Variants in CCSER1 observed in about 807,000 individuals in gnomAD.
CCSER1 encodes the protein coiled-coil serine rich protein 1.
CCSER1 carries 41 observed loss-of-function variants against 82.0 expected under a neutral mutation model. The observed-to-expected ratio is 0.50, with a 90% CI of 0.39 to 0.65. CCSER1 has a LOEUF of 0.65. Ranked by LOEUF, CCSER1 falls within the 30% of genes least tolerant of loss-of-function variation. The pLI, the probability that CCSER1 is intolerant of heterozygous loss-of-function variation, is 0.00. For synonymous variants in CCSER1, 414 were observed against 383.9 expected (o/e 1.08, Z -0.92); for missense variants, 1,119 against 1,064.2 (o/e 1.05, Z -0.72).
chr4:90,134,666 T>C (rs1723360161), intron 1 of CCSER1, among the ~76,000 whole-genome samples: 1 of 152,240 alleles, frequency 6.6e-6, no homozygotes, highest in Admixed American at 6.5e-5. Context: ...TTTGAGCATG[T>C]TGCTTAAGAA....
At chr4:90,570,401 C>T (rs905209554) in intron 5 of CCSER1, among the ~76,000 whole-genome samples, 1 of 152,092 alleles carries the variant, frequency 6.6e-6, no homozygotes, top group African/African-American at 2.4e-5. Context: ...GGGCTGTGGG[C>T]ACTACACTAG....
chr4:91,349,841 G>T (rs1193598209), intron 10 of CCSER1, among the ~76,000 whole-genome samples: 1 of 141,838 alleles, frequency 7.1e-6, no homozygotes, highest in Non-Finnish European at 1.5e-5. Context: ...TCAGCAATTT[G>T]TCAATTACAG....
intron 7 of CCSER1, chr4:90,780,321 C>T (rs2149606558): frequency 9.7e-7 from 1 of 1,035,258 alleles, no homozygotes; most frequent in East Asian, 2.6e-5. Context: ...TCCTTTTACG[C>T]TTCCCATCTA....
intron 10 of CCSER1, among the ~76,000 whole-genome samples, chr4:91,186,325 G>A (rs368468207): frequency 3.3e-5 from 5 of 152,168 alleles, no homozygotes; most frequent in African/African-American, 7.2e-5. Context: ...GTGTGAAAAA[G>A]TTCCATGGTA....
chr4:90,796,417 TTAA>T (rs58505086), intron 7 of CCSER1, among the ~76,000 whole-genome samples: 47,177 of 137,292 alleles, frequency 0.34, 7,870 homozygotes, highest in African/African-American at 0.44. Context: ...TGTACTAAAT[TTAA>T]AAAAAAAAAA....
At chr4:90,391,844 A>G (rs1416597967) in intron 3 of CCSER1, among the ~76,000 whole-genome samples, 1 of 151,976 alleles carries the variant, frequency 6.6e-6, no homozygotes, top group Non-Finnish European at 1.5e-5. Flanking sequence ...GAAAGTTTTA[A>G]ATATTTTAAC....
chr4:91,542,528 C>T (rs148128524), intron 10 of CCSER1, among the ~76,000 whole-genome samples: 2 of 152,268 alleles, frequency 1.3e-5, no homozygotes, highest in East Asian at 1.9e-4. Context: ...TTTCAAAGAA[C>T]ATCTTTATTT....
chr4:90,431,502 T>C (rs896149252), intron 4 of CCSER1, among the ~76,000 whole-genome samples: 1 of 152,054 alleles, frequency 6.6e-6, no homozygotes. Flanking sequence ...AATGAAGTCC[T>C]ATGTCAGCTT....
intron 10 of CCSER1, among the ~76,000 whole-genome samples, chr4:91,398,463 G>T (rs1752121554): frequency 6.6e-6 from 1 of 151,774 alleles, no homozygotes; most frequent in South Asian, 2.1e-4. Context: ...TTTAAGCTGT[G>T]AAAAGCATCC....
intron 5 of CCSER1, among the ~76,000 whole-genome samples, chr4:90,580,201 AATG>A (rs1199792307): frequency 6.6e-6 from 1 of 152,146 alleles, no homozygotes; most frequent in Non-Finnish European, 1.5e-5. Flanking sequence ...GAATATTGTA[AATG>A]ATATTATCTG....
intron 10 of CCSER1, among the ~76,000 whole-genome samples, chr4:91,562,037 A>C (rs13122545): frequency 0.061 from 9,260 of 151,514 alleles, 406 homozygotes; most frequent in Middle Eastern, 0.11. Context: ...TCTCATATAC[A>C]TAAGGGAAAT....
intron 4 of CCSER1, among the ~76,000 whole-genome samples, chr4:90,465,945 G>A (rs1763576004): frequency 6.6e-6 from 1 of 152,080 alleles, no homozygotes; most frequent in Non-Finnish European, 1.5e-5. Flanking sequence ...TGAATATACA[G>A]TATATATATT....
At position 91,530,304 on chromosome 4, in the gene CCSER1, A is replaced by G. The variant is rs1314582538; in HGVS notation, c.2218-68268A>G. On this transcript the variant is annotated intron_variant, in intron 10 of 10. Transcript: ENST00000509176. ...TTTAATATTTAGATTACATTTATAT[A>G]GTATATGAATGCTATAAACAATTTA... Among the ~76,000 whole-genome samples the G allele has an allele frequency of 1.1e-4, 17 of 152,118 alleles. 1 individual carries two copies. The highest frequency in any genetic ancestry group is 5.9e-5 in the Non-Finnish European group (4 of 67,988).
Position 90,417,259 on chromosome 4 carries a change from G to T in CCSER1, c.1603+17130G>T, listed in dbSNP as rs181704887. 1.7e-3 allele frequency among the ~76,000 whole-genome samples: 259 copies of T among 151,782 alleles called. 4 individuals are homozygous for T. Among genetic ancestry groups the T allele is most frequent in the Non-Finnish European group, 3.5e-4 (24 of 67,928 alleles). ...AAAAAACCAATGCATTTAAATGCAT[G>T]AACTTTTTTTCTGGTTGTTAGTCAA... On this transcript the variant is annotated intron_variant, in intron 4 of 10. Coordinates refer to ENST00000509176, the MANE Select transcript of CCSER1 (RefSeq NM_001145065.2).
chr4:91,414,500 G>A (rs914650616), intron 10 of CCSER1, among the ~76,000 whole-genome samples: 1 of 152,044 alleles, frequency 6.6e-6, no homozygotes, highest in Admixed American at 6.6e-5. Flanking sequence ...GAGGAAGAAA[G>A]GAACAGGGGA....
chr4:91,000,020 C>T (rs935651915), intron 9 of CCSER1, among the ~76,000 whole-genome samples: 2 of 151,824 alleles, frequency 1.3e-5, no homozygotes, highest in Admixed American at 6.6e-5. Context: ...ACAGCTATCC[C>T]AGCACCATTT....
intron 3 of CCSER1, among the ~76,000 whole-genome samples, chr4:90,375,555 G>A (rs547319886): frequency 1.3e-5 from 2 of 152,128 alleles, no homozygotes; most frequent in African/African-American, 2.4e-5. Context: ...ACCCTGCTGT[G>A]GCTCTCTTAA....
At chr4:90,242,337 T>G (rs1747027943) in intron 1 of CCSER1, among the ~76,000 whole-genome samples, 1 of 152,002 alleles carries the variant, frequency 6.6e-6, no homozygotes, top group Non-Finnish European at 1.5e-5. Flanking sequence ...GAACAAAGCA[T>G]AAATGTAGTG....
intron 1 of CCSER1, among the ~76,000 whole-genome samples, chr4:90,230,189 C>T (rs1744169873): frequency 6.6e-6 from 1 of 152,138 alleles, no homozygotes; most frequent in Non-Finnish European, 1.5e-5. Context: ...CACCACACCA[C>T]ACCTATTCCA....
Sources: gnomAD v4.1 joint callset for allele counts (sites outside exome capture counted in the v4.1 genomes callset) on GRCh38, gnomAD v4.1.1 for gene constraint, MANE v1.5 for transcripts, NCBI Gene and HGNC (gene_info 2026-07-23, HGNC 2026-07-21) for gene names.